PPP2R3C: variants seen among roughly 807,000 people sequenced by gnomAD.
The protein encoded by PPP2R3C is serine/threonine-protein phosphatase 2A regulatory subunit B'' subunit gamma.
PPP2R3C carries 47 observed loss-of-function variants against 63.7 expected under a neutral mutation model. The observed-to-expected ratio is 0.74, with a 90% CI of 0.58 to 0.94. PPP2R3C has a LOEUF of 0.94. Among genes scored for constraint, PPP2R3C ranks in the 40% least tolerant of loss-of-function variants. The pLI, the probability that PPP2R3C is intolerant of heterozygous loss-of-function variation, is 0.00. For synonymous variants in PPP2R3C, 180 were observed against 177.4 expected, an observed-to-expected ratio of 1.01 and a Z score of -0.12; for missense variants, 421 against 518.4, an observed-to-expected ratio of 0.81 and a Z score of 1.82.
chr14:35,088,924 T>G (rs2045698096), intron 11 of PPP2R3C, among the ~76,000 whole-genome samples: 2 of 152,164 alleles, frequency 1.3e-5, no homozygotes, highest in Non-Finnish European at 2.9e-5. Flanking sequence ...ATTCTAAGAG[T>G]AGAAAATACT....
At chr14:35,099,059 A>G (rs1421367395) in intron 7 of PPP2R3C, 193 bp downstream of exon 7, 1 of 668,680 alleles carries the variant, frequency 1.5e-6, no homozygotes, top group Non-Finnish European at 2.2e-6. Context: ...GTAAATCATA[A>G]AAGATCTTCA....
chr14:35,087,776 C>T, intron 12 of PPP2R3C, 175 bp downstream of exon 12: 1 of 593,238 alleles, frequency 1.7e-6, no homozygotes, highest in Admixed American at 3.0e-5. Context: ...TTATAAACTA[C>T]ATAAATAGTC....
At chr14:35,090,711 ATTT>A (rs35890780) in intron 11 of PPP2R3C, among the ~76,000 whole-genome samples, 1 of 110,348 alleles carries the variant, frequency 9.1e-6, no homozygotes. Flanking sequence ...GCATCTCACA[ATTT>A]TTTTTTTTTT....
intron 11 of PPP2R3C, among the ~76,000 whole-genome samples, chr14:35,090,302 C>T (rs568532886): frequency 5.3e-4 from 74 of 140,804 alleles, no homozygotes; most frequent in Admixed American, 9.9e-4. Context: ...AATGCAGTGA[C>T]GCGATTTCAG....
At chr14:35,105,126 C>G (rs2046308084) in intron 6 of PPP2R3C, among the ~76,000 whole-genome samples, 1 of 151,014 alleles carries the variant, frequency 6.6e-6, no homozygotes, top group Non-Finnish European at 1.5e-5. Flanking sequence ...CATGAATAAT[C>G]AAACGTTTTT....
intron 2 of PPP2R3C, among the ~76,000 whole-genome samples, chr14:35,110,933 G>A (rs1436100452): frequency 6.6e-6 from 1 of 152,040 alleles, no homozygotes; most frequent in Non-Finnish European, 1.5e-5. Flanking sequence ...GGGCATGCTG[G>A]CTTCCTTAGA....
At chr14:35,096,495 C>A in intron 9 of PPP2R3C, 63 bp downstream of exon 9, 1 of 1,469,892 alleles carries the variant, frequency 6.8e-7, no homozygotes, top group African/African-American at 1.4e-5. Context: ...TAAAACTGTC[C>A]TCTGAACACC....
At chr14:35,096,268 G>A (rs1297455048) in intron 9 of PPP2R3C, among the ~76,000 whole-genome samples, 2 of 152,018 alleles carry the variant, frequency 1.3e-5, no homozygotes, top group South Asian at 2.1e-4. Context: ...TGAGGTGAGA[G>A]GATTGAGCCT....
At chr14:35,095,557 A>C (rs1195777824) in intron 9 of PPP2R3C, among the ~76,000 whole-genome samples, 1 of 151,896 alleles carries the variant, frequency 6.6e-6, no homozygotes, top group African/African-American at 2.4e-5. Context: ...TGCCAAAAGG[A>C]GGTCGGGCGT....
At position 35,091,221 on chromosome 14, in the gene PPP2R3C, A is replaced by G; in HGVS notation, c.976-14T>C. On this transcript the variant is annotated splice_polypyrimidine_tract_variant and intron_variant, in intron 10 of 12. Coordinates refer to ENST00000261475, the MANE Select transcript of PPP2R3C (RefSeq NM_017917.4). Reference sequence around the variant, plus strand: ...GGTCTTATAGTCCTACAGAACAGAAAATAATGTTCATTAGAGGCCTTAGTT... The same window carrying G: ...GGTCTTATAGTCCTACAGAACAGAAGATAATGTTCATTAGAGGCCTTAGTT... The G allele has an allele frequency of 6.3e-7, 1 of 1,588,830 alleles. No individual in the cohort carries two copies. Among genetic ancestry groups the G allele is most frequent in the East Asian group, 2.2e-5 (1 of 44,452 alleles).
rs60449773 is a variant in PPP2R3C, at chr14:35,119,345, A to ATT, written c.58+2555_58+2556dup. 9.9e-5 allele frequency among the ~76,000 whole-genome samples: 15 copies of ATT among 151,338 alleles called. 1 individual carries two copies. The East Asian group carries it at 1.2e-3, about 12-fold the overall frequency. ...AAGCCACAGTGCCCAGCCCAAATGA[A>ATT]TTTTTTTTAAGACAGGGTCTGGCTC... On this transcript the variant is annotated intron_variant, in intron 1 of 12. Coordinates refer to ENST00000261475, the MANE Select transcript of PPP2R3C (RefSeq NM_017917.4).
At chr14:35,115,618 T>G (rs1218417690) in intron 2 of PPP2R3C, among the ~76,000 whole-genome samples, 1 of 151,362 alleles carries the variant, frequency 6.6e-6, no homozygotes, top group African/African-American at 2.4e-5. Flanking sequence ...TCAAGTGAAA[T>G]TCCTTTTTTG....
Position 35,095,192 on chromosome 14 carries a change from A to C in PPP2R3C, c.839-8T>G. ...CAAGATTCAAGTACTGGCCTTGGGAAGAAAAATAATAAAGACACTTATGAC... is the reference window on the plus strand; with the variant it reads ...CAAGATTCAAGTACTGGCCTTGGGACGAAAAATAATAAAGACACTTATGAC... On this transcript the variant is annotated splice_region_variant and splice_polypyrimidine_tract_variant and intron_variant, in intron 9 of 12. Transcript: ENST00000261475. 1 of 1,609,006 alleles carries C rather than the reference A, an allele frequency of 6.2e-7. No homozygotes were observed. Among genetic ancestry groups the C allele is most frequent in the Non-Finnish European group, 8.5e-7 (1 of 1,178,144 alleles).
At chr14:35,099,231 T>TAA in intron 7 of PPP2R3C, 21 bp downstream of exon 7, 1 of 1,535,780 alleles carries the variant, frequency 6.5e-7, no homozygotes, top group South Asian at 1.3e-5. Flanking sequence ...AATATCTAAG[T>TAA]TAGATAAGAT....
intron 6 of PPP2R3C, among the ~76,000 whole-genome samples, chr14:35,105,114 C>G (rs1036761015): frequency 6.6e-6 from 1 of 151,314 alleles, no homozygotes. Flanking sequence ...ATTAATATCA[C>G]TCATGAATAA....
Position 35,108,251 on chromosome 14 carries a change from T to G in PPP2R3C, c.405-15A>C, listed in dbSNP as rs2046423520. 1.3e-6 allele frequency: 2 copies of G among 1,564,610 alleles called. No homozygotes were observed. Among genetic ancestry groups the G allele is most frequent in the African/African-American group, 2.8e-5 (2 of 71,826 alleles). On this transcript the variant is annotated splice_polypyrimidine_tract_variant and intron_variant, in intron 4 of 12. Coordinates refer to ENST00000261475, the MANE Select transcript of PPP2R3C (RefSeq NM_017917.4). The stretch of plus-strand genomic sequence containing the variant: ...TGAAAAATTGCCTAAGAAAAGAAAA[T>G]AAAGATTTAAATGATCTGCCAACAT...
chr14:35,109,646 A>G (rs1230711026), intron 4 of PPP2R3C, among the ~76,000 whole-genome samples, 173 bp downstream of exon 4: 1 of 151,604 alleles, frequency 6.6e-6, no homozygotes, highest in African/African-American at 2.4e-5. Flanking sequence ...AGTAGAGACA[A>G]GATCTCCCTA....
intron 10 of PPP2R3C, among the ~76,000 whole-genome samples, chr14:35,093,577 A>G (rs1447079604): frequency 6.6e-6 from 1 of 151,456 alleles, no homozygotes; most frequent in African/African-American, 2.4e-5. Flanking sequence ...GCTAAATGAT[A>G]AATGTAAGAC....
intron 10 of PPP2R3C, among the ~76,000 whole-genome samples, chr14:35,094,460 A>G (rs1407226402): frequency 6.6e-6 from 1 of 150,696 alleles, no homozygotes; most frequent in Non-Finnish European, 1.5e-5. Context: ...TAAGCTACCA[A>G]GCCTGGCCTC....
Sources: gnomAD v4.1 joint callset for allele counts (sites outside exome capture counted in the v4.1 genomes callset) on GRCh38, gnomAD v4.1.1 for gene constraint, MANE v1.5 for transcripts, NCBI Gene and HGNC (gene_info 2026-07-23, HGNC 2026-07-21) for gene names.